The following MRPS6 variants were observed in gnomAD, a reference collection of about 807,000 sequenced individuals.
MRPS6 encodes small ribosomal subunit protein bS6m.
Under a neutral mutation model 13.1 loss-of-function variants are expected in MRPS6, and 6 were observed. That is an observed-to-expected ratio of 0.46 (90% CI 0.25 to 0.91). The LOEUF is 0.91. MRPS6 is among the 40% of genes least tolerant of loss of function. The pLI, the probability that MRPS6 is intolerant of heterozygous loss-of-function variation, is 0.18. For synonymous variants in MRPS6, 61 were observed against 56.5 expected, an observed-to-expected ratio of 1.08 and a Z score of -0.36; for missense variants, 164 against 155.6, an observed-to-expected ratio of 1.05 and a Z score of -0.29.
intron 1 of MRPS6, among the ~76,000 whole-genome samples, chr21:34,115,581 C>T (rs747162252): frequency 3.9e-5 from 6 of 152,176 alleles, no homozygotes; most frequent in Non-Finnish European, 8.8e-5. Flanking sequence ...GTTTATACCT[C>T]TCTGATTATT....
In MRPS6 at chr21:34,118,980, A is replaced by G. The variant is rs565714958; in HGVS notation, c.46-6361A>G. ...ACTTCAGGTTCAGGCCTGTAGAGGT[A>G]AGTAATCACATTTGAACATGTACTT... On this transcript the variant is annotated intron_variant, in intron 1 of 2. Coordinates refer to ENST00000399312, the MANE Select transcript of MRPS6 (RefSeq NM_032476.4). Among the ~76,000 whole-genome samples the G allele has an allele frequency of 1.9e-4, 29 of 152,336 alleles. No individual in the cohort carries two copies. The South Asian group carries it at 5.6e-3, about 29-fold the overall frequency.
intron 1 of MRPS6, chr21:34,097,928 T>C: frequency 2.0e-6 from 2 of 997,104 alleles, no homozygotes; most frequent in South Asian, 9.4e-5. Context: ...GAAAGAATGT[T>C]TTCCTGTAGG....
chr21:34,137,525 A>G (rs1245394382), intron 2 of MRPS6, among the ~76,000 whole-genome samples: 1 of 152,232 alleles, frequency 6.6e-6, no homozygotes, highest in Non-Finnish European at 1.5e-5. Flanking sequence ...TCAAAACACA[A>G]TCATGTCATA....
intron 1 of MRPS6, among the ~76,000 whole-genome samples, chr21:34,084,402 A>C (rs1437454526): frequency 1.3e-5 from 2 of 152,182 alleles, no homozygotes; most frequent in Non-Finnish European, 2.9e-5. Flanking sequence ...AACAGAAAAA[A>C]AACACAAAGT....
chr21:34,120,036 T>C (rs1342976071), intron 1 of MRPS6, among the ~76,000 whole-genome samples: 1 of 152,208 alleles, frequency 6.6e-6, no homozygotes, highest in Admixed American at 6.5e-5. Flanking sequence ...TAGAAGATCA[T>C]TGTGAAAACA....
At chr21:34,073,831 G>A in intron 1 of MRPS6, 86 bp downstream of exon 1, 3 of 1,056,326 alleles carry the variant, frequency 2.8e-6, no homozygotes, top group South Asian at 3.5e-5. Context: ...CCCTGGCCGC[G>A]GGACCCCGGG....
At chr21:34,079,602 A>ATTTTTTTTTTGTTTT (rs1989413351) in intron 1 of MRPS6, among the ~76,000 whole-genome samples, 1 of 43,660 alleles carries the variant, frequency 2.3e-5, no homozygotes, top group African/African-American at 8.5e-5. Context: ...GACCCAGCTA[A>ATTTTTTTTTTGTTTT]TTTTTTTTTT....
At chr21:34,077,956 T>A (rs1196641136) in intron 1 of MRPS6, among the ~76,000 whole-genome samples, 1 of 152,228 alleles carries the variant, frequency 6.6e-6, no homozygotes, top group Non-Finnish European at 1.5e-5. Context: ...GTAATGCCTA[T>A]GAAGTGCCTG....
intron 1 of MRPS6, among the ~76,000 whole-genome samples, chr21:34,082,022 C>A (rs1469808910): frequency 1.3e-5 from 2 of 151,280 alleles, no homozygotes; most frequent in African/African-American, 4.9e-5. Context: ...CTTCCTCCTA[C>A]CAGCCAGAAA....
intron 1 of MRPS6, among the ~76,000 whole-genome samples, chr21:34,081,138 C>A (rs919111335): frequency 6.6e-6 from 1 of 151,958 alleles, no homozygotes; most frequent in African/African-American, 2.4e-5. Flanking sequence ...AGAAAAATAA[C>A]TAGGAGGATT....
At chr21:34,095,908 A>G in intron 1 of MRPS6, 1 of 1,614,122 alleles carries the variant, frequency 6.2e-7, no homozygotes, top group Non-Finnish European at 8.5e-7. Context: ...TCCAACACAA[A>G]TTCTTGTAAT....
chr21:34,090,627 C>G (rs368801398), intron 1 of MRPS6, among the ~76,000 whole-genome samples: 3 of 152,310 alleles, frequency 2.0e-5, no homozygotes, highest in African/African-American at 2.4e-5. Context: ...AATATCACTT[C>G]TAGTATATTC....
At chr21:34,140,753 A>G (rs1375316072) in intron 2 of MRPS6, among the ~76,000 whole-genome samples, 1 of 152,154 alleles carries the variant, frequency 6.6e-6, no homozygotes, top group Non-Finnish European at 1.5e-5. Flanking sequence ...GTGCATGTAT[A>G]TTTAAGATTG....
At chr21:34,097,743 T>C (rs4817619) in intron 1 of MRPS6, 23 of 999,302 alleles carry the variant, frequency 2.3e-5, no homozygotes, top group Non-Finnish European at 2.8e-5. Context: ...CATTTCTAAA[T>C]TTTTTTTTCT....
chr21:34,082,581 T>C (rs1162581017), intron 1 of MRPS6, among the ~76,000 whole-genome samples: 1 of 152,200 alleles, frequency 6.6e-6, no homozygotes, highest in Non-Finnish European at 1.5e-5. Flanking sequence ...AGTTTACCCA[T>C]GATCCCTGGA....
rs11557338 is a variant in MRPS6 at position 34,125,392 on chromosome 21, G to C, written c.97G>C (p.Gly33Arg). Residue 33 changes from glycine to arginine, a missense_variant, in exon 2 of 3, where the codon GGA becomes CGA. Transcript: ENST00000399312. ...KRTIEALMDR[G>R]AIVRDLENLG... ...TACGATAGAGGCCCTGATGGACAGA[G>C]GAGCAATAGTGAGGGACTTGGAAAA... 15 of 1,614,048 alleles carry C rather than the reference G, an allele frequency of 9.3e-6. No homozygotes were observed. In the Admixed American group the frequency reaches 1.8e-4, roughly 20 times the overall value.
chr21:34,104,648 A>G (rs1297899605), intron 1 of MRPS6: 2 of 1,000,192 alleles, frequency 2.0e-6, no homozygotes, highest in African/African-American at 1.7e-5. Flanking sequence ...AAAGCTAGCC[A>G]GGAATGAGCC....
intron 1 of MRPS6, chr21:34,098,835 C>T (rs1233196905): frequency 2.0e-6 from 2 of 999,898 alleles, no homozygotes; most frequent in Non-Finnish European, 2.4e-6. Flanking sequence ...CAACACTGTC[C>T]TTTGTCCTCC....
chr21:34,122,051 T>C (rs1980139187), intron 1 of MRPS6: 1 of 152,256 alleles, frequency 6.6e-6, no homozygotes, highest in African/African-American at 2.4e-5. Flanking sequence ...ATGGTTTTAT[T>C]TGTGGTGCAT....
Sources: allele counts gnomAD v4.1 joint callset (sites outside exome capture counted in the v4.1 genomes callset), GRCh38; gene constraint gnomAD v4.1.1; transcripts MANE v1.5; gene names NCBI Gene and HGNC (gene_info 2026-07-23, HGNC 2026-07-21).